ZNF605: variants seen among roughly 807,000 people sequenced by gnomAD.
ZNF605 encodes the protein zinc finger protein 605.
Under a neutral mutation model 7.9 loss-of-function variants are expected in ZNF605, and 9 were observed. The ratio of observed to expected loss-of-function variants is 1.14; its 90% CI spans 0.68 to 1.98. The LOEUF is 1.98. ZNF605 is among the 30% of genes most tolerant of loss of function. The pLI, the probability that ZNF605 is intolerant of heterozygous loss-of-function variation, is 0.00. For missense variants in ZNF605, 673 were observed against 762.4 expected (o/e 0.88, Z 1.38); for synonymous variants, 255 against 260.1 (o/e 0.98, Z 0.19).
intron 1 of ZNF605, among the ~76,000 whole-genome samples, chr12:132,954,477 G>T (rs1346213351): frequency 2.2e-5 from 3 of 138,834 alleles, no homozygotes; most frequent in Non-Finnish European, 3.2e-5. Context: ...GGAGGAGAAG[G>T]GGCTTCTGTC....
rs1279361221 is a variant in ZNF605 at position 132,923,946 on chromosome 12, T to C, written c.*1427A>G. 1 of 152,180 alleles carries C rather than the reference T, an allele frequency of 6.6e-6. No individual in the cohort carries two copies. Among genetic ancestry groups the C allele is most frequent in the Non-Finnish European group, 1.5e-5 (1 of 68,032 alleles). The allele number at this position is 152,180 out of a possible 1,614,324, so 9.4% of individuals were successfully genotyped here. A position where few individuals can be genotyped will look rare whatever the true frequency, so the allele number is the denominator to read the frequency against. Reference sequence around the variant, plus strand: ...TCAAGTTCATTGATTTTTTCTTCTTTTTCTGTATCTAATCTCTCCACTCGG... The same window carrying C: ...TCAAGTTCATTGATTTTTTCTTCTTCTTCTGTATCTAATCTCTCCACTCGG... On this transcript the variant is annotated 3_prime_UTR_variant, in exon 5 of 5. Coordinates refer to ENST00000360187, the MANE Select transcript of ZNF605 (RefSeq NM_183238.4).
At chr12:132,928,818 C>T (rs903857907) in intron 4 of ZNF605, among the ~76,000 whole-genome samples, 2 of 151,642 alleles carry the variant, frequency 1.3e-5, no homozygotes, top group Admixed American at 1.3e-4. Context: ...TTGAGACTAG[C>T]CTGGGCAACA....
chr12:132,939,167 C>T (rs1420621640), intron 3 of ZNF605, among the ~76,000 whole-genome samples: 5 of 152,152 alleles, frequency 3.3e-5, no homozygotes, highest in Non-Finnish European at 7.4e-5. Flanking sequence ...GCAGGCAGCT[C>T]CACCTGCAGC....
intron 1 of ZNF605, among the ~76,000 whole-genome samples, chr12:132,949,544 G>A (rs956622540): frequency 6.6e-5 from 10 of 152,188 alleles, no homozygotes; most frequent in Non-Finnish European, 1.2e-4. Context: ...GGTACCCTAC[G>A]GGTGGTGTTG....
chr12:132,947,179 AT>A (rs1359278706), intron 2 of ZNF605, among the ~76,000 whole-genome samples: 2 of 151,630 alleles, frequency 1.3e-5, no homozygotes, highest in Admixed American at 6.6e-5. Context: ...CGCCTGGCCA[AT>A]TTTTTTGTAT....
chr12:132,952,227 CGG>C (rs1952580743), intron 1 of ZNF605, among the ~76,000 whole-genome samples: 1 of 151,712 alleles, frequency 6.6e-6, no homozygotes, highest in South Asian at 2.1e-4. Flanking sequence ...GAGGCTGAGG[CGG>C]TAGGCAGATC....
intron 3 of ZNF605, among the ~76,000 whole-genome samples, chr12:132,943,345 C>T (rs1249660347): frequency 1.4e-5 from 2 of 147,940 alleles, no homozygotes; most frequent in East Asian, 2.0e-4. Flanking sequence ...GGCGACAGAG[C>T]GAGACTCCAT....
chr12:132,927,509 GCA>G (rs1295614516), intron 4 of ZNF605, among the ~76,000 whole-genome samples: 1 of 151,796 alleles, frequency 6.6e-6, no homozygotes. Context: ...GGGATTACAG[GCA>G]TGTGCCACCA....
At chr12:132,939,742 G>A (rs1431251391) in intron 3 of ZNF605, among the ~76,000 whole-genome samples, 1 of 152,172 alleles carries the variant, frequency 6.6e-6, no homozygotes, top group Non-Finnish European at 1.5e-5. Flanking sequence ...TGCAGGCTTT[G>A]TTCTTTCGCT....
At chr12:132,934,703 T>TG (rs1555279179) in intron 3 of ZNF605, among the ~76,000 whole-genome samples, 1,255 of 25,506 alleles carry the variant, frequency 0.049, 13 homozygotes, top group Middle Eastern at 0.094. Flanking sequence ...AGATTCCGTC[T>TG]AAAAAAAAAA....
At chr12:132,940,827 G>C (rs944629638) in intron 3 of ZNF605, among the ~76,000 whole-genome samples, 190 of 152,180 alleles carry the variant, frequency 1.2e-3, no homozygotes, top group African/African-American at 4.5e-3. Flanking sequence ...CTGAGGTTTG[G>C]GGTACGACTG....
chr12:132,946,753 G>C (rs1362217057), intron 2 of ZNF605, among the ~76,000 whole-genome samples: 1 of 152,152 alleles, frequency 6.6e-6, no homozygotes, highest in African/African-American at 2.4e-5. Context: ...GCTGGAAGAG[G>C]GGGCACAATT....
intron 3 of ZNF605, among the ~76,000 whole-genome samples, chr12:132,934,665 C>A (rs1028939313): frequency 6.8e-6 from 1 of 147,616 alleles, no homozygotes; most frequent in Non-Finnish European, 1.5e-5. Context: ...GAGATTGTGC[C>A]GCTGCACTCC....
rs371174807 is a variant in ZNF605, at chr12:132,933,458, C to T, written c.16-303G>A. Among the ~76,000 whole-genome samples, 2 of 152,200 alleles carry T rather than the reference C, an allele frequency of 1.3e-5. No individual in the cohort carries two copies. Among genetic ancestry groups the T allele is most frequent in the East Asian group, 1.9e-4 (1 of 5,198 alleles). On this transcript the variant is annotated intron_variant, in intron 3 of 4. Transcript: ENST00000360187. This position sits in a 1 kb window ranked among gnomAD's most constrained non-coding sequence, Gnocchi z 4.4. ...TCTGGCTGCTGTGTTGTAAGGCCGC[C>T]ATGTGGAAGCTCATGTGCCGTGGAA...
chr12:132,924,347 AACAT>A lies in ZNF605; in HGVS notation c.*1022_*1025del, dbSNP rs1002404843. The A allele has an allele frequency of 2.8e-4, 43 of 152,356 alleles. No homozygotes were observed. Among genetic ancestry groups the A allele is most frequent in the African/African-American group, 9.9e-4 (41 of 41,556 alleles). The allele number at this position is 152,356 out of a possible 1,614,324, so 9.4% of individuals were successfully genotyped here. ...CTCTGTTTCCACTCTGGCTGCTGAGAACATAAACTATTCCCAGCCCTGCATGAGT... is the reference window on the plus strand; with the variant it reads ...CTCTGTTTCCACTCTGGCTGCTGAGAAAACTATTCCCAGCCCTGCATGAGT... On this transcript the variant is annotated 3_prime_UTR_variant, in exon 5 of 5. Coordinates refer to ENST00000360187, the MANE Select transcript of ZNF605 (RefSeq NM_183238.4).
At chr12:132,945,896 C>G (rs935882201) in intron 2 of ZNF605, 99 bp from the exon 3 acceptor site, 6 of 609,228 alleles carry the variant, frequency 9.8e-6, no homozygotes, top group African/African-American at 3.7e-5. Context: ...TTTAAAGTCT[C>G]GAACTAGATG....
At chr12:132,937,595 A>T (rs1952382050) in intron 3 of ZNF605, among the ~76,000 whole-genome samples, 1 of 152,118 alleles carries the variant, frequency 6.6e-6, no homozygotes, top group Non-Finnish European at 1.5e-5. Flanking sequence ...TTGTGGTGGG[A>T]ATGTAAAATG....
intron 2 of ZNF605, among the ~76,000 whole-genome samples, chr12:132,946,617 A>C (rs1481172039): frequency 6.6e-6 from 1 of 152,196 alleles, no homozygotes; most frequent in Non-Finnish European, 1.5e-5. Flanking sequence ...GGAACTGAGG[A>C]ATCATGGAGG....
At chr12:132,940,737 T>TA (rs1274852605) in intron 3 of ZNF605, among the ~76,000 whole-genome samples, 2 of 151,128 alleles carry the variant, frequency 1.3e-5, no homozygotes, top group South Asian at 2.1e-4. Context: ...CAGGACTTTT[T>TA]AAAAAAAAAA....
Sources: allele counts gnomAD v4.1 joint callset (sites outside exome capture counted in the v4.1 genomes callset), GRCh38; gene constraint gnomAD v4.1.1; non-coding constraint Gnocchi (gnomAD v3.1); transcripts MANE v1.5; gene names NCBI Gene and HGNC (gene_info 2026-07-23, HGNC 2026-07-21).